The following NRXN3 variants were observed in gnomAD, a reference collection of about 807,000 sequenced individuals.
The protein encoded by NRXN3 is neurexin III.
NRXN3 carries 32 observed loss-of-function variants against 137.6 expected under a neutral mutation model. The ratio of observed to expected loss-of-function variants is 0.23; its 90% CI spans 0.18 to 0.31. The LOEUF (loss-of-function observed/expected upper bound fraction) is 0.31, where lower values mean the gene tolerates loss of function less well. NRXN3 is among the 10% of genes least tolerant of loss of function. NRXN3 has a pLI of 1.00. For synonymous variants in NRXN3, 798 were observed against 784.5 expected (o/e 1.02, Z -0.29); for missense variants, 1,574 against 2,062.5 (o/e 0.76, Z 4.59).
chr14:78,457,093 C>T (rs923221773), intron 4 of NRXN3, among the ~76,000 whole-genome samples: 1 of 143,136 alleles, frequency 7.0e-6, no homozygotes, highest in African/African-American at 2.6e-5. Flanking sequence ...GGCTGGAGTG[C>T]GGTGGTTCAA....
At chr14:78,633,402 A>G (rs577378673) in intron 4 of NRXN3, among the ~76,000 whole-genome samples, 167 of 152,258 alleles carry the variant, frequency 1.1e-3, no homozygotes, top group Non-Finnish European at 1.9e-3. Context: ...AGGTTTCTTG[A>G]ATCAGGTCAC....
intron 4 of NRXN3, among the ~76,000 whole-genome samples, chr14:78,509,635 T>A (rs1485389598): frequency 6.6e-6 from 1 of 152,128 alleles, no homozygotes; most frequent in Non-Finnish European, 1.5e-5. Flanking sequence ...TCTGCTCTTC[T>A]CCAGGCTGCA....
At chr14:78,781,486 C>T (rs1400922469) in intron 8 of NRXN3, among the ~76,000 whole-genome samples, 1 of 152,112 alleles carries the variant, frequency 6.6e-6, no homozygotes, top group Non-Finnish European at 1.5e-5. Context: ...AATAAAGAAC[C>T]AGCCTCACTG....
chr14:79,137,117 A>C (rs2058315042), intron 15 of NRXN3, among the ~76,000 whole-genome samples: 2 of 152,218 alleles, frequency 1.3e-5, no homozygotes, highest in African/African-American at 4.8e-5. Context: ...TATGTCCTGG[A>C]TTCTGCATGC....
chr14:79,001,344 C>G (rs1177771492), intron 15 of NRXN3, among the ~76,000 whole-genome samples: 2 of 152,146 alleles, frequency 1.3e-5, no homozygotes, highest in African/African-American at 2.4e-5. Context: ...GCTCGTGAAC[C>G]TTCAATGACC....
intron 15 of NRXN3, among the ~76,000 whole-genome samples, chr14:79,076,198 C>T (rs1377358607): frequency 1.3e-5 from 2 of 152,102 alleles, no homozygotes; most frequent in South Asian, 2.1e-4. Flanking sequence ...TCTCATTGTT[C>T]ATTCATGGAG....
At chr14:78,407,602 A>G (rs2092568703) in intron 4 of NRXN3, among the ~76,000 whole-genome samples, 1 of 152,136 alleles carries the variant, frequency 6.6e-6, no homozygotes, top group Non-Finnish European at 1.5e-5. Flanking sequence ...TGACTCTTTG[A>G]GCCCTGTGCT....
chr14:78,516,707 A>T lies in NRXN3; in HGVS notation c.758-128413A>T, dbSNP rs139550767. ...ATTTGTGTAAAAAGTAACAACAAAC[A>T]CCAAATGCCTAGTTGAGTTCTCTGA... On this transcript the variant is annotated intron_variant, in intron 4 of 20. Coordinates refer to ENST00000335750, the MANE Select transcript of NRXN3 (RefSeq NM_001330195.2). Among the ~76,000 whole-genome samples the T allele has an allele frequency of 5.7e-3, 868 of 152,238 alleles. 13 individuals carry two copies. The highest frequency in any genetic ancestry group is 0.02 in the African/African-American group (822 of 41,540).
At chr14:78,194,817 C>T (rs1197865425) in intron 1 of NRXN3, among the ~76,000 whole-genome samples, 2 of 152,220 alleles carry the variant, frequency 1.3e-5, no homozygotes, top group Non-Finnish European at 2.9e-5. Context: ...CAGCCTTGAG[C>T]CCTCTCAGGG....
At chr14:78,995,119 G>A (rs536429962) in intron 15 of NRXN3, among the ~76,000 whole-genome samples, 1 of 152,212 alleles carries the variant, frequency 6.6e-6, no homozygotes, top group East Asian at 1.9e-4. Context: ...ATTCCATGTG[G>A]GCAAGTCTTC....
chr14:78,505,223 A>G (rs2095964139), intron 4 of NRXN3, among the ~76,000 whole-genome samples: 1 of 152,136 alleles, frequency 6.6e-6, no homozygotes, highest in Admixed American at 6.5e-5. Flanking sequence ...AAGAGAGAAT[A>G]CAGCAAGAAA....
At chr14:78,678,174 TTGAG>T (rs2098029860) in intron 6 of NRXN3, among the ~76,000 whole-genome samples, 1 of 152,158 alleles carries the variant, frequency 6.6e-6, no homozygotes, top group Non-Finnish European at 1.5e-5. Flanking sequence ...ATATTACACT[TTGAG>T]TGTTCAAAAT....
At chr14:78,379,548 C>T (rs2088637005) in intron 4 of NRXN3, among the ~76,000 whole-genome samples, 2 of 152,096 alleles carry the variant, frequency 1.3e-5, no homozygotes, top group Admixed American at 6.5e-5. Context: ...AAGCACTTGA[C>T]AAAATTCAAC....
In NRXN3 at chr14:79,138,596, T is replaced by C. The variant is rs544664872; in HGVS notation, c.3262+150455T>C. Among the ~76,000 whole-genome samples the C allele has an allele frequency of 2.6e-5, 4 of 152,352 alleles. No homozygotes were observed. In the East Asian group the frequency reaches 7.7e-4, roughly 29 times the overall value. On this transcript the variant is annotated intron_variant, in intron 15 of 20. Transcript: ENST00000335750. ...TTATGGCCAATGCCTAATTAGGATT[T>C]ATAGTACCAAGGCCTGACCAAAGTC... is the stretch of plus-strand genomic sequence containing the variant.
At chr14:79,469,959 A>G (rs2096478924) in intron 16 of NRXN3, among the ~76,000 whole-genome samples, 1 of 152,210 alleles carries the variant, frequency 6.6e-6, no homozygotes, top group Non-Finnish European at 1.5e-5. Context: ...TGTTTTGGAC[A>G]TTTAAGTAGA....
intron 4 of NRXN3, among the ~76,000 whole-genome samples, chr14:78,371,736 C>T: frequency 6.6e-6 from 1 of 152,234 alleles, no homozygotes; most frequent in Non-Finnish European, 1.5e-5. Context: ...TTTGTCCCTG[C>T]TGTAGCGAAG....
intron 15 of NRXN3, among the ~76,000 whole-genome samples, chr14:79,007,068 A>T (rs748872565): frequency 6.6e-6 from 1 of 151,938 alleles, no homozygotes; most frequent in Non-Finnish European, 1.5e-5. Context: ...GTGTGTAGAT[A>T]ACCACTCCCA....
intron 4 of NRXN3, among the ~76,000 whole-genome samples, chr14:78,400,977 A>G (rs1335495604): frequency 6.6e-6 from 1 of 152,196 alleles, no homozygotes; most frequent in Non-Finnish European, 1.5e-5. Context: ...GAGAAGTCCA[A>G]TATCAAAGTG....
At chr14:78,316,891 T>C (rs751974152) in intron 4 of NRXN3, among the ~76,000 whole-genome samples, 3 of 152,186 alleles carry the variant, frequency 2.0e-5, no homozygotes, top group Non-Finnish European at 2.9e-5. Flanking sequence ...CAGGATGATT[T>C]GGTTTTTGGT....
Sources: gnomAD v4.1 joint callset for allele counts (sites outside exome capture counted in the v4.1 genomes callset) on GRCh38, gnomAD v4.1.1 for gene constraint, MANE v1.5 for transcripts, NCBI Gene and HGNC (gene_info 2026-07-23, HGNC 2026-07-21) for gene names.